DRG1: variants seen among roughly 807,000 people sequenced by gnomAD.
The protein encoded by DRG1 is developmentally-regulated GTP-binding protein 1.
DRG1 carries 19 observed loss-of-function variants against 38.8 expected under a neutral mutation model. That is an observed-to-expected ratio of 0.49 (90% confidence interval 0.34 to 0.72). The LOEUF (loss-of-function observed/expected upper bound fraction) is 0.72, where lower values mean the gene tolerates loss of function less well. DRG1 is among the 30% of genes least tolerant of loss of function. DRG1 has a pLI of 0.01. For synonymous variants in DRG1, 167 were observed against 157.5 expected, an observed-to-expected ratio of 1.06 and a Z score of -0.45; for missense variants, 299 against 444.8, an observed-to-expected ratio of 0.67 and a Z score of 2.95.
chr22:31,423,523 CTT>C (rs1229925627), intron 6 of DRG1, 113 bp downstream of exon 6: 54,062 of 468,892 alleles, frequency 0.12, 14 homozygotes, highest in East Asian at 0.19. Flanking sequence ...GTCCTACTGT[CTT>C]TTTTTTTTTT....
Position 31,403,177 on chromosome 22 carries a change from C to G in DRG1, c.315C>G (p.Val105=). 6.2e-7 allele frequency: 1 copy of G among 1,612,746 alleles called. No individual in the cohort carries two copies. ...EFTTLTTVPG[V]IRYKGAKIQL... ...CTACTCTGACCACTGTGCCTGGTGT[C>G]ATCAGATACAAAGGTGCCAAGATCC... The change falls in exon 3 of 9, where the codon GTC becomes GTG. Residue 105 remains valine (V), a synonymous_variant. Transcript: ENST00000331457.
intron 7 of DRG1, 81 bp downstream of exon 7, chr22:31,426,863 C>T: frequency 6.5e-7 from 1 of 1,536,908 alleles, no homozygotes; most frequent in Non-Finnish European, 8.8e-7. Flanking sequence ...AGCTCATTAA[C>T]AAAATCTGGC....
In DRG1 at chr22:31,423,344, A is replaced by G. The variant is rs767091593; in HGVS notation, c.647A>G (p.Asn216Ser). The G allele has an allele frequency of 1.2e-6, 2 of 1,614,076 alleles. No homozygotes were observed. Among genetic ancestry groups the G allele is most frequent in the Admixed American group, 1.7e-5 (1 of 59,998 alleles). The change falls in exon 6 of 9, where the codon AAT (asparagine) becomes AGT (serine). Residue 216 changes from asparagine (N) to serine (S), a missense_variant. Coordinates refer to ENST00000331457, the MANE Select transcript of DRG1 (RefSeq NM_004147.4). ...KSILAEYKIH[N>S]ADVTLRSDAT... ...ATTCTGGCTGAATACAAGATTCATA[A>G]TGCCGATGTGACTCTACGTAGTGAT...
At chr22:31,415,779 A>G (rs901153998) in intron 4 of DRG1, among the ~76,000 whole-genome samples, 2 of 152,126 alleles carry the variant, frequency 1.3e-5, no homozygotes, top group Admixed American at 1.3e-4. Context: ...ATTTACCTAG[A>G]GACTACTCTT....
chr22:31,426,524 G>T (rs1282035970), intron 6 of DRG1, 91 bp from the exon 7 acceptor site: 8 of 1,161,982 alleles, frequency 6.9e-6, no homozygotes, highest in Middle Eastern at 2.3e-4. Context: ...GGGAGCGCCA[G>T]TTGGGTCTGG....
At chr22:31,400,436 GGCTTT>G (rs923632614) in intron 1 of DRG1, among the ~76,000 whole-genome samples, 179 bp from the exon 2 acceptor site, 22 of 152,144 alleles carry the variant, frequency 1.4e-4, no homozygotes, top group Admixed American at 2.0e-4. Context: ...TTCCTCTTTG[GGCTTT>G]GCTTTGCTTT....
At chr22:31,416,732 G>A (rs527524888) in intron 4 of DRG1, among the ~76,000 whole-genome samples, 148 of 152,072 alleles carry the variant, frequency 9.7e-4, no homozygotes, top group Middle Eastern at 6.8e-3. Context: ...GTGAAACCGC[G>A]TGTCTATTAA....
At chr22:31,401,583 C>CAA (rs951167073) in intron 2 of DRG1, among the ~76,000 whole-genome samples, 2,580 of 53,334 alleles carry the variant, frequency 0.048, 85 homozygotes, top group African/African-American at 0.09. Flanking sequence ...GACTCTGTCT[C>CAA]AAAAAAAAAA....
chr22:31,401,352 G>T (rs2049959941), intron 2 of DRG1, among the ~76,000 whole-genome samples: 6 of 152,032 alleles, frequency 3.9e-5, no homozygotes, highest in Admixed American at 3.9e-4. Context: ...GGAGGCCAAG[G>T]CGTGGATCAC....
chr22:31,417,069 AAAAAAT>A (rs1029560060), intron 4 of DRG1, among the ~76,000 whole-genome samples: 2 of 149,924 alleles, frequency 1.3e-5, no homozygotes, highest in African/African-American at 2.5e-5. Context: ...GTCTCAAAAA[AAAAAAT>A]AATAATAATA....
At chr22:31,429,163 G>A (rs2050126507) in intron 8 of DRG1, among the ~76,000 whole-genome samples, 1 of 152,130 alleles carries the variant, frequency 6.6e-6, no homozygotes, top group African/African-American at 2.4e-5. Context: ...CCTAGCCATA[G>A]GCTGGAGTGT....
At chr22:31,417,841 T>C (rs1333008555) in intron 4 of DRG1, among the ~76,000 whole-genome samples, 1 of 133,480 alleles carries the variant, frequency 7.5e-6, no homozygotes, top group Non-Finnish European at 1.6e-5. Flanking sequence ...AAATGCAAAA[T>C]TAGCTAGGAG....
At chr22:31,402,040 G>C (rs1436725476) in intron 2 of DRG1, among the ~76,000 whole-genome samples, 2 of 151,856 alleles carry the variant, frequency 1.3e-5, no homozygotes, top group Non-Finnish European at 2.9e-5. Flanking sequence ...GACAGAGCTA[G>C]ACTCTGTCTC....
chr22:31,406,339 T>G (rs1375793388), intron 3 of DRG1, among the ~76,000 whole-genome samples: 4 of 152,178 alleles, frequency 2.6e-5, no homozygotes, highest in Non-Finnish European at 5.9e-5. Flanking sequence ...GTTTACATGT[T>G]AAGAACTTTA....
rs1601534018 is a variant in DRG1, at chr22:31,425,548, C to T, written c.714-1067C>T. Among the ~76,000 whole-genome samples, 8 of 151,958 alleles carry T rather than the reference C, an allele frequency of 5.3e-5. 1 individual carries two copies. The South Asian group carries it at 1.7e-3, about 32-fold the overall frequency. ...CTTGAACTCCCGGGCTCAATCCATC[C>T]TCCCACCTCAACCTCCTGAGTAGCT... On this transcript the variant is annotated intron_variant, in intron 6 of 8. Coordinates refer to ENST00000331457, the MANE Select transcript of DRG1 (RefSeq NM_004147.4).
chr22:31,429,930 A>G (rs1007118805), intron 8 of DRG1, among the ~76,000 whole-genome samples: 1 of 152,068 alleles, frequency 6.6e-6, no homozygotes, highest in African/African-American at 2.4e-5. Context: ...GATTACAGGC[A>G]TGAGCCATTT....
At chr22:31,405,728 G>A (rs894112137) in intron 3 of DRG1, among the ~76,000 whole-genome samples, 3 of 151,072 alleles carry the variant, frequency 2.0e-5, no homozygotes, top group South Asian at 2.1e-4. Context: ...TTACTCTGTT[G>A]CCCAGGCTGG....
chr22:31,433,784 A>G, intron 8 of DRG1, 88 bp from the exon 9 acceptor site: 1 of 1,163,774 alleles, frequency 8.6e-7, no homozygotes, highest in Non-Finnish European at 1.3e-6. Flanking sequence ...GTATGATACT[A>G]AATCTGAGCA....
At position 31,403,169 on chromosome 22, in the gene DRG1, C is replaced by G. The variant is rs1256589450; in HGVS notation, c.307C>G (p.Pro103Ala). ...AYEFTTLTTV[P>A]GVIRYKGAKI... ...TGAATTCACTACTCTGACCACTGTGCCTGGTGTCATCAGATACAAAGGTGC... is the reference window on the plus strand; with the variant it reads ...TGAATTCACTACTCTGACCACTGTGGCTGGTGTCATCAGATACAAAGGTGC... Residue 103 changes from proline (P) to alanine (A), a missense_variant, in exon 3 of 9, where the codon CCT becomes GCT. Coordinates refer to ENST00000331457, the MANE Select transcript of DRG1 (RefSeq NM_004147.4). 1 of 1,613,502 alleles carries G rather than the reference C, an allele frequency of 6.2e-7. No homozygotes were observed. The highest frequency in any genetic ancestry group is 1.7e-5 in the Admixed American group (1 of 59,830).
Sources: gnomAD v4.1 joint callset for allele counts (sites outside exome capture counted in the v4.1 genomes callset) on GRCh38, gnomAD v4.1.1 for gene constraint, MANE v1.5 for transcripts, NCBI Gene and HGNC (gene_info 2026-07-23, HGNC 2026-07-21) for gene names.